ZZZ3: variants seen among roughly 807,000 people sequenced by gnomAD.
ZZZ3 encodes the protein zinc finger ZZ-type containing 3.
A neutral mutation model predicts 95.2 loss-of-function variants in ZZZ3; 22 were observed. The observed-to-expected ratio is 0.23, with a 90% CI of 0.17 to 0.33. The LOEUF (loss-of-function observed/expected upper bound fraction) is 0.33, where lower values mean the gene tolerates loss of function less well. Ranked by LOEUF, ZZZ3 falls within the 10% of genes least tolerant of loss-of-function variation. The pLI, the probability that ZZZ3 is intolerant of heterozygous loss-of-function variation, is 1.00. For missense variants in ZZZ3, 885 were observed against 1,066.5 expected (o/e 0.83, Z 2.37); for synonymous variants, 335 against 358.9 (o/e 0.93, Z 0.75).
At chr1:77,679,752 G>A (rs1175917945) in intron 1 of ZZZ3, among the ~76,000 whole-genome samples, 2 of 152,132 alleles carry the variant, frequency 1.3e-5, no homozygotes, top group East Asian at 3.8e-4. Context: ...TAATAATTGA[G>A]AAAAGTGAAA....
At chr1:77,567,483 T>C (rs1014434840) in intron 13 of ZZZ3, among the ~76,000 whole-genome samples, 1 of 152,206 alleles carries the variant, frequency 6.6e-6, no homozygotes, top group African/African-American at 2.4e-5. Flanking sequence ...GTAAATGTCA[T>C]GTTACTTTCT....
chr1:77,576,232 A>T lies in ZZZ3; in HGVS notation c.2179-12T>A. 7 of 1,562,094 alleles carry T rather than the reference A, an allele frequency of 4.5e-6. No homozygotes were observed. Among genetic ancestry groups the T allele is most frequent in the Non-Finnish European group, 6.0e-6 (7 of 1,160,074 alleles). ...CTGCTTGTTGAAGACTAAGTAAGAA[A>T]ACAAATTTTTAATTGGTTCAGTGAA... On this transcript the variant is annotated splice_polypyrimidine_tract_variant and intron_variant, in intron 11 of 14. Transcript: ENST00000370801.
chr1:77,593,169 C>G (rs1002568294), intron 5 of ZZZ3, among the ~76,000 whole-genome samples: 1 of 152,168 alleles, frequency 6.6e-6, no homozygotes, highest in Non-Finnish European at 1.5e-5. Flanking sequence ...AGGAAACAAA[C>G]AGCTTTCTCA....
chr1:77,628,890 G>C (rs1042196103), intron 5 of ZZZ3, among the ~76,000 whole-genome samples: 9 of 152,188 alleles, frequency 5.9e-5, no homozygotes, highest in African/African-American at 2.2e-4. Context: ...CAATTACCTG[G>C]AGAACGTTTC....
intron 1 of ZZZ3, among the ~76,000 whole-genome samples, chr1:77,642,736 G>A (rs1668897904): frequency 6.6e-6 from 1 of 152,178 alleles, no homozygotes; most frequent in African/African-American, 2.4e-5. Context: ...CCAGGCAACA[G>A]AGTAAACCCT....
At chr1:77,676,434 T>C (rs987655407) in intron 1 of ZZZ3, among the ~76,000 whole-genome samples, 3 of 152,208 alleles carry the variant, frequency 2.0e-5, no homozygotes, top group Non-Finnish European at 4.4e-5. Context: ...TCCCAAAGTG[T>C]TGGGATTACA....
intron 1 of ZZZ3, among the ~76,000 whole-genome samples, chr1:77,649,977 G>A (rs1239810435): frequency 6.6e-6 from 1 of 152,096 alleles, no homozygotes; most frequent in East Asian, 1.9e-4. Flanking sequence ...GGGAGTAAAT[G>A]TAATAGCACA....
intron 5 of ZZZ3, among the ~76,000 whole-genome samples, chr1:77,592,559 C>T (rs1043495006): frequency 6.6e-6 from 1 of 152,112 alleles, no homozygotes; most frequent in Non-Finnish European, 1.5e-5. Flanking sequence ...ACCCCGGCCT[C>T]CCAAAGTGTT....
At chr1:77,586,895 T>C (rs558369053) in intron 5 of ZZZ3, among the ~76,000 whole-genome samples, 1 of 152,274 alleles carries the variant, frequency 6.6e-6, no homozygotes, top group South Asian at 2.1e-4. Flanking sequence ...ACAGTAAATA[T>C]AGACAAATCT....
chr1:77,632,511 T>C lies in ZZZ3; in HGVS notation c.844A>G (p.Ile282Val), dbSNP rs1667899709. 6 of 1,614,170 alleles carry C rather than the reference T, an allele frequency of 3.7e-6. No homozygotes were observed. The highest frequency in any genetic ancestry group is 1.6e-4 in the Middle Eastern group (1 of 6,062). The change falls in exon 5 of 15, where the codon ATA becomes GTA. Residue 282 changes from isoleucine to valine, a missense_variant. Ile to Val is a conservative substitution (Grantham distance 29, BLOSUM62 3). Transcript: ENST00000370801. ...TCCACAGGCAAGCAGGCAGTTACTA[T>C]TTTGTGGTCCTCCAACTTGACCTGC... ...QVQVKLEDHK[I>V]VTACLPVEHV...
intron 5 of ZZZ3, among the ~76,000 whole-genome samples, chr1:77,591,055 T>C (rs1345224156): frequency 1.3e-5 from 2 of 152,222 alleles, no homozygotes; most frequent in Non-Finnish European, 2.9e-5. Flanking sequence ...GTCTTCATTA[T>C]ACTTTGCTAC....
intron 5 of ZZZ3, among the ~76,000 whole-genome samples, chr1:77,619,908 A>G (rs1666681686): frequency 6.6e-6 from 1 of 152,198 alleles, no homozygotes; most frequent in Non-Finnish European, 1.5e-5. Flanking sequence ...TTCTACTATG[A>G]AAAGCATGCT....
Position 77,632,224 on chromosome 1 carries a change from A to G in ZZZ3, c.1131T>C (p.Thr377=). ...CTGCCCTTCGTGGTGAGGTTCTCAG[A>G]GTATAACGATGTTCTTGAGGTTCTG... ...SLSEPQEHRY[T]LRTSPRRAAP... The change falls in exon 5 of 15, where the codon ACT becomes ACC. Residue 377 remains threonine (T), a synonymous_variant. Coordinates refer to ENST00000370801, the MANE Select transcript of ZZZ3 (RefSeq NM_015534.6). 2 of 1,614,066 alleles carry G rather than the reference A, an allele frequency of 1.2e-6. No individual in the cohort carries two copies. Among genetic ancestry groups the G allele is most frequent in the Non-Finnish European group, 1.7e-6 (2 of 1,180,022 alleles).
intron 5 of ZZZ3, among the ~76,000 whole-genome samples, chr1:77,611,361 T>C (rs1372606337): frequency 6.6e-6 from 1 of 150,568 alleles, no homozygotes; most frequent in African/African-American, 2.4e-5. Flanking sequence ...CTCAGGAAGA[T>C]AGAAATACAT....
intron 1 of ZZZ3, among the ~76,000 whole-genome samples, chr1:77,654,130 G>A (rs183209389): frequency 4.3e-4 from 63 of 147,908 alleles, no homozygotes; most frequent in Middle Eastern, 7.2e-3. Flanking sequence ...GGAGATTGCA[G>A]TGAGCTGAGA....
intron 5 of ZZZ3, among the ~76,000 whole-genome samples, chr1:77,628,202 TA>T (rs1230842967): frequency 6.6e-6 from 1 of 152,186 alleles, no homozygotes; most frequent in Non-Finnish European, 1.5e-5. Context: ...TATTTAAGCC[TA>T]AAAAGAAATC....
intron 5 of ZZZ3, among the ~76,000 whole-genome samples, chr1:77,627,104 C>T (rs1431834152): frequency 6.6e-6 from 1 of 152,012 alleles, no homozygotes; most frequent in African/African-American, 2.4e-5. Flanking sequence ...ACCCAAAAGC[C>T]CATGAAGTAA....
chr1:77,670,015 GAATT>G (rs935564979), intron 1 of ZZZ3, among the ~76,000 whole-genome samples: 11 of 145,924 alleles, frequency 7.5e-5, no homozygotes, highest in African/African-American at 1.5e-4. Flanking sequence ...CACTTAAAAA[GAATT>G]AATATGACTA....
At chr1:77,570,044 T>C (rs1294799673) in intron 12 of ZZZ3, among the ~76,000 whole-genome samples, 1 of 152,252 alleles carries the variant, frequency 6.6e-6, no homozygotes, top group Non-Finnish European at 1.5e-5. Flanking sequence ...TTATATCAAG[T>C]AAACAAAAGC....
Sources: gnomAD v4.1 joint callset for allele counts (sites outside exome capture counted in the v4.1 genomes callset) on GRCh38, gnomAD v4.1.1 for gene constraint, MANE v1.5 for transcripts, NCBI Gene and HGNC (gene_info 2026-07-23, HGNC 2026-07-21) for gene names.